OTUD7B: variants seen among roughly 807,000 people sequenced by gnomAD.
OTUD7B encodes OTU domain-containing protein 7B.
Under a neutral mutation model 82.2 loss-of-function variants are expected in OTUD7B, and 34 were observed. The observed-to-expected ratio is 0.41, with a 90% CI of 0.31 to 0.55. OTUD7B has a LOEUF of 0.55. Among genes scored for constraint, OTUD7B ranks in the 20% least tolerant of loss-of-function variants. OTUD7B has a pLI of 0.20. For missense variants in OTUD7B, 944 were observed against 1,062.1 expected (o/e 0.89, Z 1.55); for synonymous variants, 398 against 402.7 (o/e 0.99, Z 0.14).
At chr1:150,023,724 A>G in the OTUD7B span, among the ~76,000 whole-genome samples, 2 of 152,180 alleles carry the variant, frequency 1.3e-5, no homozygotes, top group African/African-American at 4.8e-5. Context: ...GTGCAGCATG[A>G]CGACCTTGGT....
At chr1:150,038,375 G>GTCTA in the OTUD7B span, among the ~76,000 whole-genome samples, 1 of 149,924 alleles carries the variant, frequency 6.7e-6, no homozygotes, top group East Asian at 2.0e-4. Flanking sequence ...TCTTTAAATT[G>GTCTA]TTTATTTATT....
intron 7 of OTUD7B, among the ~76,000 whole-genome samples, chr1:149,957,031 C>G (rs1648739242): frequency 6.6e-6 from 1 of 152,208 alleles, no homozygotes; most frequent in Non-Finnish European, 1.5e-5. Flanking sequence ...AAGCCTTCTT[C>G]TCTCAACTCG....
rs1652982838 is a variant in OTUD7B, at chr1:150,010,653, GC to G, written c.-273del. ...AGCCAGAAAGGACTGATCGGGACTG[GC>G]CTCCCCCAGTGGCTTTTTGCCCACT... On this transcript the variant is annotated 5_prime_UTR_variant, in exon 1 of 12. Coordinates refer to ENST00000581312, the MANE Select transcript of OTUD7B (RefSeq NM_020205.4). 6.5e-6 allele frequency: 1 copy of G among 152,802 alleles called. No individual in the cohort carries two copies. The highest frequency in any genetic ancestry group is 2.1e-4 in the South Asian group (1 of 4,838). The allele number at this position is 152,802 out of a possible 1,614,324, so 9.5% of individuals were successfully genotyped here.
At chr1:150,053,342 C>T in the OTUD7B span, among the ~76,000 whole-genome samples, 2 of 151,812 alleles carry the variant, frequency 1.3e-5, no homozygotes, top group East Asian at 3.9e-4. Flanking sequence ...AAGAGAAAAA[C>T]AACTACCCCA....
chr1:149,976,524 T>C (rs1213951136), intron 2 of OTUD7B, among the ~76,000 whole-genome samples: 4 of 147,152 alleles, frequency 2.7e-5, no homozygotes, highest in African/African-American at 7.6e-5. Flanking sequence ...GGCAGGAGAA[T>C]TGCATGAACC....
rs928191116 is a variant in OTUD7B, at chr1:149,998,871, A to C, written c.-67+11577T>G. ...TCACCTAGAAAATGACAATATGTAA[A>C]TCTCTTTTCAGTTCTAAAATGCTAT... On this transcript the variant is annotated intron_variant, in intron 1 of 11. Transcript: ENST00000581312. Among the ~76,000 whole-genome samples the C allele has an allele frequency of 2.6e-5, 4 of 152,270 alleles. No individual in the cohort carries two copies. The East Asian group carries it at 7.7e-4, about 29-fold the overall frequency.
chr1:149,949,826 TG>T, intron 8 of OTUD7B, 48 bp from the exon 9 acceptor site: 1 of 1,577,054 alleles, frequency 6.3e-7, no homozygotes, highest in Non-Finnish European at 8.6e-7. Flanking sequence ...TTCTGCCTAG[TG>T]GACAATCCCT....
intron 1 of OTUD7B, among the ~76,000 whole-genome samples, chr1:149,990,580 T>C (rs868911409): frequency 1.3e-5 from 2 of 152,250 alleles, no homozygotes; most frequent in Middle Eastern, 3.2e-3. Flanking sequence ...TTCTCTGTTA[T>C]AATTTTTTGT....
rs1450113539 is a variant in OTUD7B, at chr1:149,942,910, C to G, written c.*947G>C. On this transcript the variant is annotated 3_prime_UTR_variant, in exon 12 of 12. Transcript: ENST00000581312. ...AGCAGCCACAGAGGCCTGTAATGCT[C>G]TACTTAGGTTTTTGGTTTTGTTTGA... 2 of 152,562 alleles carry G rather than the reference C, an allele frequency of 1.3e-5. No individual in the cohort carries two copies. The highest frequency in any genetic ancestry group is 1.3e-4 in the Admixed American group (2 of 15,276). The allele number at this position is 152,562 out of a possible 1,614,324, so 9.5% of individuals were successfully genotyped here.
At chr1:149,976,584 C>T (rs1265541970) in intron 2 of OTUD7B, among the ~76,000 whole-genome samples, 1 of 113,950 alleles carries the variant, frequency 8.8e-6, no homozygotes, top group Non-Finnish European at 1.6e-5. Flanking sequence ...GCACTCTAGC[C>T]TGGGCAACAA....
At chr1:149,981,145 T>C (rs1650705897) in intron 1 of OTUD7B, among the ~76,000 whole-genome samples, 1 of 151,136 alleles carries the variant, frequency 6.6e-6, no homozygotes, top group South Asian at 2.1e-4. Flanking sequence ...AGAAAAGCAG[T>C]GGCTTTCAAC....
chr1:149,956,999 GTT>G (rs1314524442), intron 7 of OTUD7B, among the ~76,000 whole-genome samples: 1 of 152,126 alleles, frequency 6.6e-6, no homozygotes, highest in African/African-American at 2.4e-5. Flanking sequence ...TTAGCTCAGA[GTT>G]TGTTATTACC....
At chr1:149,955,968 T>TG (rs1648637195) in intron 7 of OTUD7B, among the ~76,000 whole-genome samples, 1 of 152,220 alleles carries the variant, frequency 6.6e-6, no homozygotes, top group African/African-American at 2.4e-5. Flanking sequence ...CGCACACTGA[T>TG]GGGTCTTGAC....
chr1:150,017,701 C>G, the OTUD7B span, among the ~76,000 whole-genome samples: 178 of 152,348 alleles, frequency 1.2e-3, no homozygotes, highest in African/African-American at 4.1e-3. Flanking sequence ...CTACTGGAAA[C>G]TGACAGAGCA....
At chr1:150,035,144 C>A in the OTUD7B span, among the ~76,000 whole-genome samples, 59 of 146,924 alleles carry the variant, frequency 4.0e-4, no homozygotes, top group East Asian at 4.0e-4. Flanking sequence ...AACTTCATCT[C>A]AAAAAAAAAA....
chr1:149,982,042 G>A (rs782710690), intron 1 of OTUD7B, among the ~76,000 whole-genome samples: 15 of 151,968 alleles, frequency 9.9e-5, no homozygotes, highest in Admixed American at 2.6e-4. Context: ...CCAGCTACCC[G>A]GGAGGCTGAG....
chr1:150,039,335 A>G, the OTUD7B span, among the ~76,000 whole-genome samples: 1 of 152,086 alleles, frequency 6.6e-6, no homozygotes, highest in Non-Finnish European at 1.5e-5. Context: ...CCATAATCAT[A>G]AGACTGAATA....
the OTUD7B span, among the ~76,000 whole-genome samples, chr1:150,046,059 A>C: frequency 1.3e-5 from 2 of 152,176 alleles, no homozygotes; most frequent in Admixed American, 1.3e-4. Context: ...ATATCCAAAT[A>C]GTTTTGTATG....
At chr1:149,983,523 A>G (rs1650931773) in intron 1 of OTUD7B, among the ~76,000 whole-genome samples, 1 of 152,124 alleles carries the variant, frequency 6.6e-6, no homozygotes, top group Non-Finnish European at 1.5e-5. Context: ...TGTTTCATCT[A>G]TGAATTAAGA....
Sources: allele counts gnomAD v4.1 joint callset (sites outside exome capture counted in the v4.1 genomes callset), GRCh38; gene constraint gnomAD v4.1.1; transcripts MANE v1.5; gene names NCBI Gene and HGNC (gene_info 2026-07-23, HGNC 2026-07-21).